The following RP1 variants were observed in gnomAD, a reference collection of about 807,000 sequenced individuals.
RP1 encodes the protein RP1 axonemal microtubule associated.
Under a neutral mutation model 14.8 loss-of-function variants are expected in RP1, and 16 were observed. The ratio of observed to expected loss-of-function variants is 1.08; its 90% CI spans 0.73 to 1.65. RP1 has a LOEUF of 1.65. RP1 is among the 40% of genes most tolerant of loss of function. The pLI is 0.00. For missense variants in RP1, 2,631 were observed against 2,535.0 expected (o/e 1.04, Z -0.81); for synonymous variants, 876 against 883.6 (o/e 0.99, Z 0.15).
At chr8:54,777,650 T>G (rs1185250771) in intron 23 of RP1, among the ~76,000 whole-genome samples, 2 of 152,068 alleles carry the variant, frequency 1.3e-5, no homozygotes, top group Non-Finnish European at 2.9e-5. Context: ...CACTTAAAAA[T>G]TAAAAAAAAT....
chr8:54,721,347 C>T (rs542341833), intron 16 of RP1, among the ~76,000 whole-genome samples: 1 of 152,318 alleles, frequency 6.6e-6, no homozygotes, highest in African/African-American at 2.4e-5. Flanking sequence ...GCCTCTGGAG[C>T]TCTGAAGGGA....
At chr8:54,597,252 G>C (rs954434710) in intron 1 of RP1, among the ~76,000 whole-genome samples, 2 of 151,940 alleles carry the variant, frequency 1.3e-5, no homozygotes, top group African/African-American at 4.8e-5. Flanking sequence ...CTCAACTCCA[G>C]TTTTTCTACT....
chr8:54,774,605 C>T (rs1473383822), downstream of RP1, among the ~76,000 whole-genome samples: 1 of 152,166 alleles, frequency 6.6e-6, no homozygotes, highest in Non-Finnish European at 1.5e-5. Flanking sequence ...CATGCCCTGG[C>T]TGGGTTTAGC....
At position 54,629,948 on chromosome 8, in the gene RP1, G is replaced by A. The variant is rs746624465; in HGVS notation, c.6066G>A (p.Lys2022=). 1 of 1,613,916 alleles carries A rather than the reference G, an allele frequency of 6.2e-7. No homozygotes were observed. The highest frequency in any genetic ancestry group is 8.5e-7 in the Non-Finnish European group (1 of 1,179,942). Residue 2022 remains lysine (K), a synonymous_variant, in exon 4 of 4, where the codon AAG becomes AAA. Transcript: ENST00000220676. ...FLGLEEEGNL[K]KFQPDLKERF... ...GGTTAGAGGAAGAAGGTAATTTAAA[G>A]AAATTTCAACCAGATTTGAAGGAAA...
At chr8:54,796,228 C>T (rs1387658591) in intron 24 of RP1, among the ~76,000 whole-genome samples, 1 of 151,990 alleles carries the variant, frequency 6.6e-6, no homozygotes, top group Admixed American at 6.6e-5. Context: ...AATAATAGTA[C>T]CTAAGAGGAT....
downstream of RP1, among the ~76,000 whole-genome samples, chr8:54,632,433 ACTT>A (rs1806265985): frequency 6.6e-6 from 1 of 152,204 alleles, no homozygotes; most frequent in Non-Finnish European, 1.5e-5. Context: ...CTTTAAACAT[ACTT>A]CTTTAAAGTG....
At chr8:54,664,770 A>T (rs1806979432) in intron 7 of RP1, among the ~76,000 whole-genome samples, 1 of 152,138 alleles carries the variant, frequency 6.6e-6, no homozygotes, top group Admixed American at 6.6e-5. Context: ...GTATGTTCTC[A>T]CTTATAAGTG....
intron 1 of RP1, among the ~76,000 whole-genome samples, chr8:54,606,991 C>T (rs1244938849): frequency 2.0e-5 from 3 of 152,198 alleles, no homozygotes; most frequent in South Asian, 4.1e-4. Context: ...GGGTTCGAAC[C>T]TCCTCCTTTA....
At chr8:54,701,761 G>A (rs1301477934) in intron 14 of RP1, 1 of 1,106,310 alleles carries the variant, frequency 9.0e-7, no homozygotes, top group South Asian at 1.6e-5. Flanking sequence ...TGCAGTAATC[G>A]AATCACTTCC....
chr8:54,606,718 A>G (rs1805454632), intron 1 of RP1, among the ~76,000 whole-genome samples: 2 of 151,994 alleles, frequency 1.3e-5, no homozygotes, highest in African/African-American at 2.4e-5. Flanking sequence ...ATAGTCCCAT[A>G]TTTCTTGGAG....
chr8:54,791,187 G>A (rs1369599587), intron 24 of RP1, among the ~76,000 whole-genome samples: 1 of 152,078 alleles, frequency 6.6e-6, no homozygotes, highest in African/African-American at 2.4e-5. Flanking sequence ...CTGGGAAAGA[G>A]TGGGATCATA....
chr8:54,571,876 C>T (rs950607983), intron 1 of RP1, among the ~76,000 whole-genome samples: 2 of 152,042 alleles, frequency 1.3e-5, no homozygotes, highest in African/African-American at 2.4e-5. Context: ...CCAAATTTCC[C>T]TTTTTTTGTA....
chr8:54,762,134 G>C (rs1406729248), intron 22 of RP1, among the ~76,000 whole-genome samples: 1 of 152,192 alleles, frequency 6.6e-6, no homozygotes, highest in African/African-American at 2.4e-5. Flanking sequence ...ACTGTGGCTA[G>C]TTAGTTCTGG....
At chr8:54,780,681 G>C (rs1810165870) in intron 23 of RP1, among the ~76,000 whole-genome samples, 1 of 152,174 alleles carries the variant, frequency 6.6e-6, no homozygotes, top group Admixed American at 6.5e-5. Flanking sequence ...TTAGGTATTA[G>C]AGGTAATCTA....
At chr8:54,646,798 G>A (rs1327680810) in intron 3 of RP1, among the ~76,000 whole-genome samples, 6 of 151,852 alleles carry the variant, frequency 4.0e-5, no homozygotes, top group Non-Finnish European at 7.4e-5. Flanking sequence ...GATTTGTTCC[G>A]TGCATTTTTA....
intron 23 of RP1, among the ~76,000 whole-genome samples, chr8:54,782,406 G>A (rs968100913): frequency 6.6e-6 from 1 of 152,164 alleles, no homozygotes; most frequent in Non-Finnish European, 1.5e-5. Flanking sequence ...GTGGGGAGTA[G>A]CATTGTGTTT....
intron 15 of RP1, among the ~76,000 whole-genome samples, chr8:54,712,075 A>G (rs1007809510): frequency 2.0e-5 from 3 of 152,202 alleles, no homozygotes; most frequent in African/African-American, 4.8e-5. Flanking sequence ...GGTATGAAGT[A>G]AGACACCTGT....
chr8:54,670,671 TTATATATATATATATATA>T (rs375877155), intron 7 of RP1, among the ~76,000 whole-genome samples: 1 of 62,566 alleles, frequency 1.6e-5, no homozygotes, highest in African/African-American at 6.9e-5. Context: ...ATATATGTTT[TTATATATATATATATATA>T]TATATATATA....
intron 22 of RP1, among the ~76,000 whole-genome samples, chr8:54,766,823 C>T (rs1199968085): frequency 1.3e-5 from 2 of 152,176 alleles, no homozygotes; most frequent in African/African-American, 4.8e-5. Context: ...TCCCTGGTGA[C>T]CTAGGGGTTT....
Sources: allele counts gnomAD v4.1 joint callset (sites outside exome capture counted in the v4.1 genomes callset), GRCh38; gene constraint gnomAD v4.1.1; transcripts MANE v1.5; gene names NCBI Gene and HGNC (gene_info 2026-07-23, HGNC 2026-07-21).